Variants in SLC24A2 observed in about 807,000 individuals in gnomAD.
SLC24A2 encodes the protein solute carrier family 24 member 2.
A neutral mutation model predicts 62.0 loss-of-function variants in SLC24A2; 36 were observed. That is an observed-to-expected ratio of 0.58 (90% CI 0.44 to 0.77). The LOEUF (loss-of-function observed/expected upper bound fraction) is 0.77, where lower values mean the gene tolerates loss of function less well. SLC24A2 is among the 30% of genes least tolerant of loss of function. SLC24A2 has a pLI of 0.00. For synonymous variants in SLC24A2, 358 were observed against 294.0 expected (o/e 1.22, Z -2.23); for missense variants, 846 against 817.9 (o/e 1.03, Z -0.42).
At chr9:20,071,859 G>A in the SLC24A2 span, among the ~76,000 whole-genome samples, 1 of 152,064 alleles carries the variant, frequency 6.6e-6, no homozygotes, top group African/African-American at 2.4e-5. Context: ...TCCTCTTTGG[G>A]TTTAATTTGC....
chr9:19,685,186 A>G (rs766374687), intron 2 of SLC24A2, among the ~76,000 whole-genome samples: 6 of 152,178 alleles, frequency 3.9e-5, no homozygotes, highest in Non-Finnish European at 5.9e-5. Flanking sequence ...GAAAATACCT[A>G]GGAACACAGC....
the SLC24A2 span, among the ~76,000 whole-genome samples, chr9:20,307,099 G>A: frequency 2.6e-5 from 4 of 151,918 alleles, no homozygotes; most frequent in Admixed American, 6.6e-5. Context: ...TGTTTACATC[G>A]ATCTTTAAAG....
chr9:20,264,093 A>G, the SLC24A2 span, among the ~76,000 whole-genome samples: 1 of 152,068 alleles, frequency 6.6e-6, no homozygotes, highest in Non-Finnish European at 1.5e-5. Flanking sequence ...GAGGGCCCCC[A>G]TCCCAAGCAA....
chr9:19,782,804 G>T (rs1173388100), intron 2 of SLC24A2, among the ~76,000 whole-genome samples: 5 of 152,050 alleles, frequency 3.3e-5, no homozygotes, highest in Non-Finnish European at 7.4e-5. Context: ...TATGAAGTAG[G>T]TATCATTATT....
Position 19,516,209 on chromosome 9 carries a change from G to C in SLC24A2, c.1930C>G (p.Leu644Val). The C allele has an allele frequency of 6.2e-7, 1 of 1,614,160 alleles. No homozygotes were observed. The highest frequency in any genetic ancestry group is 8.5e-7 in the Non-Finnish European group (1 of 1,180,032). The change falls in exon 11 of 11, where the codon CTG becomes GTG. Residue 644 changes from leucine to valine, a missense_variant. Transcript: ENST00000341998. Reference protein sequence around the residue: ...FIMFGLYFVFLVVSVLLEDRI... With the variant: ...FIMFGLYFVFVVVSVLLEDRI... ...TCTTCTAGGAGAACGCTCACCACCA[G>C]GAACACAAAGTAGAGGCCAAACATG...
chr9:19,790,951 C>T (rs909666523), upstream of SLC24A2, among the ~76,000 whole-genome samples: 14 of 152,066 alleles, frequency 9.2e-5, no homozygotes, highest in African/African-American at 1.9e-4. Context: ...AGTCTTGATT[C>T]GGTGAGAAGA....
At chr9:19,542,648 G>C (rs1173773325) in intron 8 of SLC24A2, among the ~76,000 whole-genome samples, 1 of 152,180 alleles carries the variant, frequency 6.6e-6, no homozygotes. Context: ...AGGATGAAGG[G>C]TGTTGAATTT....
At chr9:19,559,204 T>A (rs1835271677) in intron 7 of SLC24A2, among the ~76,000 whole-genome samples, 1 of 152,198 alleles carries the variant, frequency 6.6e-6, no homozygotes. Context: ...AAAAAAAGCT[T>A]GACTAGGTGA....
the SLC24A2 span, among the ~76,000 whole-genome samples, chr9:20,074,348 A>T: frequency 6.6e-6 from 1 of 151,946 alleles, no homozygotes; most frequent in Non-Finnish European, 1.5e-5. Flanking sequence ...TGTGCCTAAG[A>T]AATTGACATG....
chr9:20,238,781 T>C, the SLC24A2 span, among the ~76,000 whole-genome samples: 1 of 152,226 alleles, frequency 6.6e-6, no homozygotes, highest in Non-Finnish European at 1.5e-5. Context: ...ACCCCCAGCA[T>C]GACTATATTT....
At chr9:19,617,782 T>C (rs764152042) in intron 4 of SLC24A2, among the ~76,000 whole-genome samples, 2 of 152,234 alleles carry the variant, frequency 1.3e-5, no homozygotes, top group African/African-American at 2.4e-5. Flanking sequence ...CTAAGAGCCC[T>C]GGGAAGCCAC....
chr9:20,232,389 AT>A, the SLC24A2 span, among the ~76,000 whole-genome samples: 2 of 152,140 alleles, frequency 1.3e-5, no homozygotes. Context: ...TTGGTAAGCT[AT>A]TGATTATTGC....
the SLC24A2 span, among the ~76,000 whole-genome samples, chr9:20,074,610 G>T: frequency 6.3e-3 from 801 of 127,626 alleles, 15 homozygotes; most frequent in African/African-American, 0.022. Context: ...AGGAAAGAAG[G>T]GAGTGAGGGA....
chr9:19,729,769 A>G (rs139618679), intron 2 of SLC24A2, among the ~76,000 whole-genome samples: 1,717 of 152,286 alleles, frequency 0.011, 12 homozygotes, highest in Admixed American at 0.019. Context: ...ATAAAATTAG[A>G]GCTAGAGACC....
chr9:19,824,339 C>A, the SLC24A2 span, among the ~76,000 whole-genome samples: 2 of 151,870 alleles, frequency 1.3e-5, no homozygotes, highest in Non-Finnish European at 2.9e-5. Context: ...AAAAAACAAC[C>A]CCATCAAAAA....
the SLC24A2 span, among the ~76,000 whole-genome samples, chr9:19,972,486 G>C: frequency 6.6e-6 from 1 of 152,112 alleles, no homozygotes; most frequent in Admixed American, 6.5e-5. Flanking sequence ...ACCTTTCAAA[G>C]AAGAAAGGGA....
At chr9:19,652,238 T>G (rs910551081) in intron 2 of SLC24A2, among the ~76,000 whole-genome samples, 1 of 152,128 alleles carries the variant, frequency 6.6e-6, no homozygotes, top group Non-Finnish European at 1.5e-5. Context: ...GAAGATAACA[T>G]TTTAGAATTT....
the SLC24A2 span, among the ~76,000 whole-genome samples, chr9:19,811,955 G>C: frequency 6.6e-6 from 1 of 151,900 alleles, no homozygotes; most frequent in Non-Finnish European, 1.5e-5. Context: ...CTTAGTGCAG[G>C]TTTGCTGATA....
chr9:20,092,453 A>C, the SLC24A2 span, among the ~76,000 whole-genome samples: 1 of 150,898 alleles, frequency 6.6e-6, no homozygotes, highest in Non-Finnish European at 1.5e-5. Flanking sequence ...AGACTTTTTT[A>C]TTTTTTTTAA....
Sources: allele counts gnomAD v4.1 joint callset (sites outside exome capture counted in the v4.1 genomes callset), GRCh38; gene constraint gnomAD v4.1.1; transcripts MANE v1.5; gene names NCBI Gene and HGNC (gene_info 2026-07-23, HGNC 2026-07-21).